The following PIK3C2A variants were observed in gnomAD, a reference collection of about 807,000 sequenced individuals.
PIK3C2A encodes phosphatidylinositol-4-phosphate 3-kinase catalytic subunit type 2 alpha.
In PIK3C2A, 97 loss-of-function variants were observed where a neutral mutation model predicts 204.5. That is an observed-to-expected ratio of 0.47 (90% CI 0.40 to 0.56). The LOEUF (loss-of-function observed/expected upper bound fraction) is 0.56. PIK3C2A is among the 20% of genes least tolerant of loss of function. The pLI, the probability that PIK3C2A is intolerant of heterozygous loss-of-function variation, is 0.00. For synonymous variants in PIK3C2A, 653 were observed against 664.4 expected, an observed-to-expected ratio of 0.98 and a Z score of 0.26; for missense variants, 1,735 against 1,969.2, an observed-to-expected ratio of 0.88 and a Z score of 2.25.
intron 19 of PIK3C2A, 66 bp downstream of exon 19, chr11:17,117,425 A>T: frequency 9.3e-7 from 1 of 1,072,538 alleles, no homozygotes; most frequent in Non-Finnish European, 1.4e-6. Flanking sequence ...CAACTTAATT[A>T]GTCAGCACCA....
intron 8 of PIK3C2A, chr11:17,138,029 T>G: frequency 1.6e-6 from 1 of 634,344 alleles, no homozygotes; most frequent in Non-Finnish European, 3.0e-6. Context: ...ACAATGATTT[T>G]CTGCTCCTTG....
At chr11:17,176,002 GAT>G (rs1491261624) in intron 1 of PIK3C2A, among the ~76,000 whole-genome samples, 3 of 92,986 alleles carry the variant, frequency 3.2e-5, no homozygotes, top group Non-Finnish European at 4.4e-5. Context: ...CCATGGAACT[GAT>G]TTTTTTTTTT....
intron 22 of PIK3C2A, among the ~76,000 whole-genome samples, chr11:17,107,513 C>A (rs192554768): frequency 1.3e-3 from 194 of 152,078 alleles, no homozygotes; most frequent in Non-Finnish European, 1.9e-3. Flanking sequence ...CAAAACATTT[C>A]CAGAAGGCTA....
At chr11:17,189,901 A>T (rs2137547611) in intron 1 of PIK3C2A, among the ~76,000 whole-genome samples, 1 of 151,700 alleles carries the variant, frequency 6.6e-6, no homozygotes. Flanking sequence ...GACCAATGGT[A>T]AGTAAAAGTA....
intron 23 of PIK3C2A, among the ~76,000 whole-genome samples, chr11:17,104,621 A>G (rs1361657910): frequency 1.4e-5 from 2 of 147,878 alleles, no homozygotes; most frequent in African/African-American, 5.0e-5. Context: ...GCTACTTGGG[A>G]GGCTGAGGCA....
Position 17,101,453 on chromosome 11 carries a change from C to T in PIK3C2A, c.3852-19G>A. 1.4e-6 allele frequency: 2 copies of T among 1,422,648 alleles called. No individual in the cohort carries two copies. Among genetic ancestry groups the T allele is most frequent in the Non-Finnish European group, 9.6e-7 (1 of 1,045,780 alleles). The allele number at this position is 1,422,648 out of a possible 1,614,324, so 88.1% of individuals were successfully genotyped here. On this transcript the variant is annotated intron_variant, in intron 24 of 32. Transcript: ENST00000691414. ...CCGATCCCTATTTAAAATGAAAGTACATACAAAATATTATTTACAGAAGAT... is the reference window on the plus strand; with the variant it reads ...CCGATCCCTATTTAAAATGAAAGTATATACAAAATATTATTTACAGAAGAT...
chr11:17,147,019 T>C (rs1850265199), intron 6 of PIK3C2A, among the ~76,000 whole-genome samples: 1 of 152,220 alleles, frequency 6.6e-6, no homozygotes, highest in African/African-American at 2.4e-5. Context: ...GCATTCTATT[T>C]TGCTTTAACC....
At chr11:17,140,650 C>G (rs983724730) in intron 8 of PIK3C2A, among the ~76,000 whole-genome samples, 1 of 152,068 alleles carries the variant, frequency 6.6e-6, no homozygotes, top group African/African-American at 2.4e-5. Flanking sequence ...GGGGCTGAGG[C>G]TGGGAGTGAG....
chr11:17,152,317 C>G (rs545652553), intron 3 of PIK3C2A, among the ~76,000 whole-genome samples: 152 of 152,180 alleles, frequency 1.0e-3, no homozygotes, highest in African/African-American at 3.5e-3. Context: ...ACACTAATTA[C>G]CTTTTTCTGT....
chr11:17,140,389 C>A (rs1850023947), intron 8 of PIK3C2A, among the ~76,000 whole-genome samples: 1 of 152,010 alleles, frequency 6.6e-6, no homozygotes, highest in Non-Finnish European at 1.5e-5. Flanking sequence ...TTCATGATAA[C>A]CAAAAATTAT....
rs1848776407 is a variant in PIK3C2A, at chr11:17,105,364, AT to A, written c.3545-60del. The A allele has an allele frequency of 3.7e-6, 5 of 1,358,872 alleles. No homozygotes were observed. In the East Asian group the frequency reaches 1.2e-4, roughly 33 times the overall value. 84.2% of individuals were successfully genotyped at this position (1,358,872 alleles called of 1,614,324 possible). On this transcript the variant is annotated intron_variant, in intron 22 of 32. Coordinates refer to ENST00000691414, the MANE Select transcript of PIK3C2A (RefSeq NM_002645.4). ...GTCTCTCCAAAGTAAGCCTTTAAAC[AT>A]TTTTAAAAATTATTATTACTTTTTA...
At chr11:17,128,407 GT>G (rs1299968478) in intron 13 of PIK3C2A, among the ~76,000 whole-genome samples, 3 of 151,618 alleles carry the variant, frequency 2.0e-5, no homozygotes. Flanking sequence ...GCTAGCTAAT[GT>G]TTATATTTTT....
chr11:17,106,378 C>T (rs1031866740), intron 22 of PIK3C2A, among the ~76,000 whole-genome samples: 6 of 152,010 alleles, frequency 3.9e-5, no homozygotes, highest in African/African-American at 1.5e-4. Flanking sequence ...CACCACTGCG[C>T]TCCAGCCTGG....
intron 23 of PIK3C2A, among the ~76,000 whole-genome samples, chr11:17,103,694 T>C (rs1448511850): frequency 2.0e-5 from 3 of 152,148 alleles, no homozygotes; most frequent in Admixed American, 6.5e-5. Flanking sequence ...ATCATAACAA[T>C]TGTACAGATG....
chr11:17,188,085 C>T (rs1188987866), intron 1 of PIK3C2A, among the ~76,000 whole-genome samples: 2 of 152,082 alleles, frequency 1.3e-5, no homozygotes, highest in African/African-American at 4.8e-5. Flanking sequence ...CGCCTGTAAT[C>T]CTAGCACTTT....
chr11:17,162,128 G>A (rs377015115), intron 2 of PIK3C2A, among the ~76,000 whole-genome samples: 77 of 152,148 alleles, frequency 5.1e-4, no homozygotes, highest in African/African-American at 1.7e-3. Context: ...CTGAGGTCAC[G>A]AGTTCAAGAC....
chr11:17,200,546 G>T (rs2137580979), intron 1 of PIK3C2A, among the ~76,000 whole-genome samples: 1 of 152,262 alleles, frequency 6.6e-6, no homozygotes, highest in Admixed American at 6.5e-5. Flanking sequence ...TTTGGGAAAG[G>T]CCAAACTATA....
At chr11:17,171,575 T>A (rs214935) in intron 1 of PIK3C2A, among the ~76,000 whole-genome samples, 88,681 of 151,996 alleles carry the variant, frequency 0.58, 26,192 homozygotes, top group East Asian at 0.82. Context: ...ATGTTCTTAG[T>A]GTATTATTTT....
intron 12 of PIK3C2A, 79 bp downstream of exon 12, chr11:17,131,837 T>C: frequency 1.8e-6 from 2 of 1,108,382 alleles, no homozygotes; most frequent in South Asian, 1.4e-5. Context: ...GCAATAAAAA[T>C]TAAAGCTAGG....
Sources: allele counts gnomAD v4.1 joint callset (sites outside exome capture counted in the v4.1 genomes callset), GRCh38; gene constraint gnomAD v4.1.1; transcripts MANE v1.5; gene names NCBI Gene and HGNC (gene_info 2026-07-23, HGNC 2026-07-21).